Variants in NHEJ1 observed in about 807,000 individuals in gnomAD.
NHEJ1 encodes the protein non-homologous end joining factor 1.
NHEJ1 carries 22 observed loss-of-function variants against 39.4 expected under a neutral mutation model. The observed-to-expected ratio is 0.56, with a 90% CI of 0.40 to 0.80. The LOEUF is 0.80. Among genes scored for constraint, NHEJ1 ranks in the 30% least tolerant of loss-of-function variants. NHEJ1 has a pLI of 0.00. For missense variants in NHEJ1, 329 were observed against 357.1 expected (o/e 0.92, Z 0.63); for synonymous variants, 154 against 135.6 (o/e 1.14, Z -0.94).
intron 5 of NHEJ1, among the ~76,000 whole-genome samples, chr2:219,089,871 G>C (rs1949145805): frequency 6.6e-6 from 1 of 152,102 alleles, no homozygotes; most frequent in Admixed American, 6.5e-5. Flanking sequence ...CTCCCAAAAG[G>C]CTTGGACAAC....
In NHEJ1 at chr2:219,076,327, G is replaced by A. The variant is rs1287661863; in HGVS notation, c.*54C>T. ...CTGCCATGTAAGCTTCTTTCAAGGT[G>A]AAGCTTGGAAGCTGTTCTCCAAGTC... On this transcript the variant is annotated 3_prime_UTR_variant, in exon 8 of 8. Coordinates refer to ENST00000356853, the MANE Select transcript of NHEJ1 (RefSeq NM_024782.3). 1.2e-6 allele frequency: 2 copies of A among 1,613,906 alleles called. No homozygotes were observed. The highest frequency in any genetic ancestry group is 1.1e-5 in the South Asian group (1 of 91,062).
intron 1 of NHEJ1, chr2:219,158,882 A>T (rs2293070): frequency 0.69 from 123,437 of 178,762 alleles, 43,586 homozygotes; most frequent in Non-Finnish European, 0.76. Flanking sequence ...GGATTTTTTT[A>T]AAAATCCCTA....
intron 5 of NHEJ1, among the ~76,000 whole-genome samples, chr2:219,103,602 T>G (rs980867272): frequency 1.3e-5 from 2 of 152,144 alleles, no homozygotes; most frequent in African/African-American, 4.8e-5. Context: ...ACAAAATGAC[T>G]GCTAAATGGA....
rs973620805 is a variant in NHEJ1, at chr2:219,070,182, AT to A, written c.*6198del. 9.1e-4 allele frequency among the ~76,000 whole-genome samples: 136 copies of A among 150,084 alleles called. No individual in the cohort carries two copies. Among genetic ancestry groups the A allele is most frequent in the African/African-American group, 2.2e-3 (91 of 40,970 alleles). On this transcript the variant is annotated 3_prime_UTR_variant, in exon 8 of 8. Coordinates refer to ENST00000356853, the MANE Select transcript of NHEJ1 (RefSeq NM_024782.3). ...ACTACAGGCGCACATCACCACACTA[AT>A]TTTTTTTTTATTTTTATTTTTGAGA... is the stretch of plus-strand genomic sequence containing the variant.
intron 5 of NHEJ1, among the ~76,000 whole-genome samples, chr2:219,081,591 C>T (rs1469658726): frequency 1.3e-5 from 2 of 152,204 alleles, no homozygotes; most frequent in Non-Finnish European, 2.9e-5. Flanking sequence ...TGCATCAATC[C>T]TTCCCTCATA....
At chr2:219,122,145 T>C (rs1390012239) in intron 5 of NHEJ1, among the ~76,000 whole-genome samples, 1 of 152,190 alleles carries the variant, frequency 6.6e-6, no homozygotes, top group Non-Finnish European at 1.5e-5. Context: ...CAGCCACGGC[T>C]GGTAAGTAGG....
At chr2:219,095,939 G>C (rs1330044266) in intron 5 of NHEJ1, among the ~76,000 whole-genome samples, 1 of 151,780 alleles carries the variant, frequency 6.6e-6, no homozygotes, top group Admixed American at 6.6e-5. Context: ...TTCAGGGAAA[G>C]AGGTGGAGAC....
intron 5 of NHEJ1, among the ~76,000 whole-genome samples, chr2:219,146,228 C>T (rs1274769124): frequency 6.6e-6 from 1 of 152,168 alleles, no homozygotes; most frequent in Admixed American, 6.5e-5. Flanking sequence ...CCACAACCTA[C>T]TGTGCCCACA....
At chr2:219,101,111 C>T (rs1399199985) in intron 5 of NHEJ1, among the ~76,000 whole-genome samples, 1 of 152,028 alleles carries the variant, frequency 6.6e-6, no homozygotes, top group Non-Finnish European at 1.5e-5. Context: ...CTTTTCAAGG[C>T]TATTTATTTA....
At position 219,111,628 on chromosome 2, in the gene NHEJ1, GACAC is replaced by G. The variant is rs368706049; in HGVS notation, c.589-33426_589-33423del. On this transcript the variant is annotated intron_variant, in intron 5 of 7. Transcript: ENST00000356853. This position sits in a 1 kb window ranked among gnomAD's most constrained non-coding sequence, Gnocchi z 4.1. ...GAATTAAGTCTACAGTGTGAATACA[GACAC>G]ACACACACACACACACACACACACA... 6.7e-3 allele frequency among the ~76,000 whole-genome samples: 928 copies of G among 138,446 alleles called. 11 individuals carry two copies. The highest frequency in any genetic ancestry group is 0.023 in the African/African-American group (821 of 36,126). 90.8% of individuals were successfully genotyped at this position (138,446 alleles called of 152,430 possible). A position where few individuals can be genotyped will look rare whatever the true frequency, so the allele number is the denominator to read the frequency against.
chr2:219,143,162 C>T (rs1949707392), intron 5 of NHEJ1, among the ~76,000 whole-genome samples: 1 of 152,100 alleles, frequency 6.6e-6, no homozygotes, highest in South Asian at 2.1e-4. Context: ...TCATCTTGAG[C>T]TCTCTCCCTG....
At chr2:219,141,309 G>A (rs1261579504) in intron 5 of NHEJ1, among the ~76,000 whole-genome samples, 1 of 151,814 alleles carries the variant, frequency 6.6e-6, no homozygotes, top group East Asian at 1.9e-4. Context: ...GAACCCAGGA[G>A]GCAGAGGTTA....
intron 5 of NHEJ1, among the ~76,000 whole-genome samples, chr2:219,115,883 A>AGG (rs1949410547): frequency 6.6e-6 from 1 of 152,164 alleles, no homozygotes; most frequent in South Asian, 2.1e-4. Flanking sequence ...GCACTTTGGG[A>AGG]GGCCGAGGCG....
At chr2:219,099,452 T>C (rs1343811040) in intron 5 of NHEJ1, among the ~76,000 whole-genome samples, 1 of 152,106 alleles carries the variant, frequency 6.6e-6, no homozygotes, top group Non-Finnish European at 1.5e-5. Flanking sequence ...CTGAATGAGA[T>C]AGGGCAAGAG....
intron 5 of NHEJ1, among the ~76,000 whole-genome samples, chr2:219,083,685 T>G (rs2106323774): frequency 6.6e-6 from 1 of 152,294 alleles, no homozygotes; most frequent in Middle Eastern, 3.4e-3. Flanking sequence ...TCACAGAATG[T>G]GTGAAAGGAT....
At chr2:219,149,590 T>C (rs1055269944) in intron 3 of NHEJ1, among the ~76,000 whole-genome samples, 1 of 152,178 alleles carries the variant, frequency 6.6e-6, no homozygotes, top group East Asian at 1.9e-4. Context: ...CACTCCAGCC[T>C]GGGTGACAGA....
At chr2:219,140,140 G>A (rs1272227939) in intron 5 of NHEJ1, among the ~76,000 whole-genome samples, 4 of 152,172 alleles carry the variant, frequency 2.6e-5, no homozygotes, top group Non-Finnish European at 5.9e-5. Flanking sequence ...CAGTGTTAGA[G>A]TGTTAGAAAA....
chr2:219,088,471 C>T (rs1302576481), intron 5 of NHEJ1, among the ~76,000 whole-genome samples: 3 of 148,836 alleles, frequency 2.0e-5, no homozygotes, highest in East Asian at 2.0e-4. Flanking sequence ...CCAGCCTGGG[C>T]AACAGAGTGA....
At chr2:219,118,002 T>C (rs1949432176) in intron 5 of NHEJ1, among the ~76,000 whole-genome samples, 2 of 152,120 alleles carry the variant, frequency 1.3e-5, no homozygotes, top group South Asian at 4.1e-4. Flanking sequence ...TTTTAATAGG[T>C]TTCCCCTTTA....
Sources: gnomAD v4.1 joint callset for allele counts (sites outside exome capture counted in the v4.1 genomes callset) on GRCh38, gnomAD v4.1.1 for gene constraint, Gnocchi (gnomAD v3.1) non-coding constraint, MANE v1.5 for transcripts, NCBI Gene and HGNC (gene_info 2026-07-23, HGNC 2026-07-21) for gene names.